The following SLC5A4 variants were observed in gnomAD, a reference collection of about 807,000 sequenced individuals.
The protein encoded by SLC5A4 is solute carrier family 5 member 4, also known as probable glucose sensor protein SLC5A4.
A neutral mutation model predicts 70.3 loss-of-function variants in SLC5A4; 55 were observed. The observed-to-expected ratio is 0.78, with a 90% CI of 0.63 to 0.98. SLC5A4 has a LOEUF of 0.98. SLC5A4 is among the 50% of genes least tolerant of loss of function. The pLI is 0.00. For missense variants in SLC5A4, 735 were observed against 839.2 expected (o/e 0.88, Z 1.53); for synonymous variants, 268 against 305.7 (o/e 0.88, Z 1.29).
the SLC5A4 span, among the ~76,000 whole-genome samples, chr22:32,330,067 T>TGTGTGTTGGGGGCTCTAGA: frequency 1.0e-5 from 1 of 95,356 alleles, no homozygotes; most frequent in African/African-American, 4.6e-5. Context: ...CTCTAGAGTG[T>TGTGTGTTGGGGGCTCTAGA]GTGTGTTGGA....
the SLC5A4 span, chr22:32,271,509 GAGA>G: frequency 9.7e-6 from 7 of 721,464 alleles, no homozygotes; most frequent in South Asian, 4.4e-5. Flanking sequence ...CAGCTTCCGT[GAGA>G]AGAAGCCGAA....
the SLC5A4 span, among the ~76,000 whole-genome samples, chr22:32,305,693 G>C: frequency 7.7e-6 from 1 of 130,166 alleles, no homozygotes; most frequent in South Asian, 2.5e-4. Flanking sequence ...CCCAGTGTGA[G>C]GGACGGTGGC....
At chr22:32,265,844 A>G in the SLC5A4 span, among the ~76,000 whole-genome samples, 24,515 of 152,168 alleles carry the variant, frequency 0.16, 2,275 homozygotes, top group Admixed American at 0.28. Flanking sequence ...TGTCTCAAAA[A>G]AAGGAAAAAC....
At chr22:32,252,169 G>C (rs1347505655) in intron 2 of SLC5A4, among the ~76,000 whole-genome samples, 1 of 151,508 alleles carries the variant, frequency 6.6e-6, no homozygotes, top group Non-Finnish European at 1.5e-5. Flanking sequence ...GGTGGAGCCT[G>C]CAGTGAGCGG....
At chr22:32,256,558 C>T (rs1020808376), upstream of SLC5A4, among the ~76,000 whole-genome samples, 3 of 152,132 alleles carry the variant, frequency 2.0e-5, no homozygotes, top group African/African-American at 7.2e-5. Flanking sequence ...AGTATGTACC[C>T]ACTAAAAACT....
chr22:32,335,242 C>T, the SLC5A4 span, among the ~76,000 whole-genome samples: 12 of 151,716 alleles, frequency 7.9e-5, no homozygotes, highest in African/African-American at 2.7e-4. Context: ...CCGCCTCCCA[C>T]GTCTCAGACA....
At chr22:32,268,489 T>C in the SLC5A4 span, 1 of 152,322 alleles carries the variant, frequency 6.6e-6, no homozygotes, top group African/African-American at 2.4e-5. Flanking sequence ...CAGGCCCGAT[T>C]TCCAGCTGGG....
At chr22:32,313,345 AG>A in the SLC5A4 span, among the ~76,000 whole-genome samples, 1 of 152,202 alleles carries the variant, frequency 6.6e-6, no homozygotes, top group African/African-American at 2.4e-5. Flanking sequence ...TACCCTCAAA[AG>A]TATTCTGATT....
At chr22:32,341,400 GC>G in the SLC5A4 span, among the ~76,000 whole-genome samples, 86 of 152,308 alleles carry the variant, frequency 5.6e-4, no homozygotes, top group African/African-American at 2.1e-3. Flanking sequence ...GTTCCCCTCA[GC>G]CCCTCCCTCC....
the SLC5A4 span, among the ~76,000 whole-genome samples, chr22:32,310,707 G>T: frequency 6.6e-6 from 1 of 152,256 alleles, no homozygotes; most frequent in Non-Finnish European, 1.5e-5. Flanking sequence ...TGACCTGTGT[G>T]ACCCTGGGCA....
chr22:32,331,279 T>A, the SLC5A4 span, among the ~76,000 whole-genome samples: 1 of 151,824 alleles, frequency 6.6e-6, no homozygotes. Context: ...TGGGAGAGCC[T>A]CTCCCTGGCT....
At chr22:32,271,663 G>A in the SLC5A4 span, 7 of 594,166 alleles carry the variant, frequency 1.2e-5, no homozygotes, top group Admixed American at 2.5e-5. Context: ...GGCTCCTGGC[G>A]ACAGACTGAG....
chr22:32,249,327 A>G (rs1421586438), intron 3 of SLC5A4, among the ~76,000 whole-genome samples: 1 of 152,180 alleles, frequency 6.6e-6, no homozygotes, highest in African/African-American at 2.4e-5. Flanking sequence ...GAGAGGGGGA[A>G]CTTGAGCCTT....
the SLC5A4 span, among the ~76,000 whole-genome samples, chr22:32,285,804 T>G: frequency 5.6e-4 from 85 of 152,030 alleles, 1 homozygote; most frequent in South Asian, 2.1e-3. Flanking sequence ...CGGCGCGATC[T>G]CGGCTCACTG....
the SLC5A4 span, among the ~76,000 whole-genome samples, chr22:32,346,613 T>C: frequency 0.51 from 61,916 of 120,260 alleles, 17,450 homozygotes; most frequent in African/African-American, 0.76. Flanking sequence ...AAAGGATTCC[T>C]TATTTAATAA....
chr22:32,274,977 A>T, the SLC5A4 span, among the ~76,000 whole-genome samples: 1 of 152,198 alleles, frequency 6.6e-6, no homozygotes, highest in Non-Finnish European at 1.5e-5. Flanking sequence ...TTCTCTAGTC[A>T]GTCTTCATAT....
At chr22:32,329,899 G>A in the SLC5A4 span, among the ~76,000 whole-genome samples, 1 of 37,270 alleles carries the variant, frequency 2.7e-5, no homozygotes, top group African/African-American at 1.3e-4. Flanking sequence ...TATGTGTTGG[G>A]AGGCTCTGGT....
intron 8 of SLC5A4, among the ~76,000 whole-genome samples, chr22:32,233,677 A>G (rs903703304): frequency 1.3e-5 from 2 of 152,122 alleles, no homozygotes; most frequent in African/African-American, 4.8e-5. Context: ...AAAATTAAAA[A>G]TTGGCCAGGT....
chr22:32,224,202 G>A (rs1225921191), intron 13 of SLC5A4, 65 bp downstream of exon 13: 2 of 1,280,796 alleles, frequency 1.6e-6, no homozygotes, highest in South Asian at 1.3e-5. Context: ...TTACAGGCGT[G>A]AGCCACTGCG....
Sources: allele counts gnomAD v4.1 joint callset (sites outside exome capture counted in the v4.1 genomes callset), GRCh38; gene constraint gnomAD v4.1.1; transcripts MANE v1.5; gene names NCBI Gene and HGNC (gene_info 2026-07-23, HGNC 2026-07-21).